Variants in EXPH5 observed in about 807,000 individuals in gnomAD.
EXPH5 encodes exophilin-5.
A neutral mutation model predicts 41.1 loss-of-function variants in EXPH5; 42 were observed. The ratio of observed to expected loss-of-function variants is 1.02; its 90% CI spans 0.80 to 1.32. The LOEUF (loss-of-function observed/expected upper bound fraction) is 1.32, where lower values mean the gene tolerates loss of function less well. Among genes scored for constraint, EXPH5 ranks in the 40% most tolerant of loss-of-function variants. EXPH5 has a pLI of 0.00. For missense variants in EXPH5, 2,298 were observed against 2,314.5 expected (o/e 0.99, Z 0.15); for synonymous variants, 798 against 833.5 (o/e 0.96, Z 0.73).
chr11:108,510,086 T>G lies in EXPH5; in HGVS notation c.5421A>C (p.Leu1807=), dbSNP rs1224770430. 2 of 1,612,370 alleles carry G rather than the reference T, an allele frequency of 1.2e-6. No homozygotes were observed. The highest frequency in any genetic ancestry group is 1.7e-6 in the Non-Finnish European group (2 of 1,179,556). The change falls in exon 6 of 6, where the codon CTA becomes CTC. Residue 1807 remains leucine, a synonymous_variant. Coordinates refer to ENST00000265843, the MANE Select transcript of EXPH5 (RefSeq NM_015065.3). The part of the protein sequence containing the change: ...LKSINVHGDL[L]RKSHPPKVRE... ...TGACTTTTGGAGGATGGCTTTTTCGTAGTAGATCGCCATGAACATTAATGC... is the reference window on the plus strand; with the variant it reads ...TGACTTTTGGAGGATGGCTTTTTCGGAGTAGATCGCCATGAACATTAATGC...
intron 1 of EXPH5, among the ~76,000 whole-genome samples, chr11:108,567,342 T>C (rs540200287): frequency 1.9e-3 from 287 of 152,370 alleles, no homozygotes; most frequent in African/African-American, 6.1e-3. Context: ...ATTGGTTTAA[T>C]GGAAGCATTA....
At position 108,513,307 on chromosome 11, in the gene EXPH5, C is replaced by G. The variant is rs1357272362; in HGVS notation, c.2200G>C (p.Gly734Arg). The G allele has an allele frequency of 9.9e-6, 16 of 1,613,014 alleles. No homozygotes were observed. Among genetic ancestry groups the G allele is most frequent in the Non-Finnish European group, 1.4e-5 (16 of 1,179,656 alleles). The change falls in exon 6 of 6, where the codon GGG becomes CGG. Residue 734 changes from glycine to arginine, a missense_variant. Gly to Arg is a moderately radical substitution (Grantham distance 125, BLOSUM62 -2). Coordinates refer to ENST00000265843, the MANE Select transcript of EXPH5 (RefSeq NM_015065.3). ...AAATCAGGTAAAGAGTTTGAGATCCCTGTCTGTGAAACAGGTTGGGGTATT... is the reference window on the plus strand; with the variant it reads ...AAATCAGGTAAAGAGTTTGAGATCCGTGTCTGTGAAACAGGTTGGGGTATT... ...GEIPQPVSQT[G>R]ISNSLPDFQN...
intron 2 of EXPH5, among the ~76,000 whole-genome samples, chr11:108,540,308 G>A (rs2093905851): frequency 6.6e-6 from 1 of 152,138 alleles, no homozygotes; most frequent in Non-Finnish European, 1.5e-5. Flanking sequence ...GTGTGACAGA[G>A]TGAGACTCCA....
At chr11:108,548,844 C>A (rs2136051321) in intron 1 of EXPH5, among the ~76,000 whole-genome samples, 1 of 152,268 alleles carries the variant, frequency 6.6e-6, no homozygotes, top group East Asian at 1.9e-4. Context: ...AAAAAACTAT[C>A]AAATACACTC....
chr11:108,572,059 A>G (rs533197392), intron 1 of EXPH5, among the ~76,000 whole-genome samples: 1 of 151,818 alleles, frequency 6.6e-6, no homozygotes, highest in East Asian at 1.9e-4. Context: ...CCAAAAAAAA[A>G]AAAGGCATTG....
intron 1 of EXPH5, among the ~76,000 whole-genome samples, chr11:108,570,574 C>T (rs913918984): frequency 2.6e-5 from 4 of 152,152 alleles, no homozygotes; most frequent in Admixed American, 6.5e-5. Context: ...GAGATAAGAT[C>T]TCACTCTGTT....
intron 1 of EXPH5, among the ~76,000 whole-genome samples, chr11:108,559,880 T>C (rs1054594780): frequency 6.6e-6 from 1 of 152,222 alleles, no homozygotes; most frequent in African/African-American, 2.4e-5. Context: ...TAAAATCCAC[T>C]ATTATTGCAT....
chr11:108,600,831 G>T, the EXPH5 span, among the ~76,000 whole-genome samples: 1 of 152,212 alleles, frequency 6.6e-6, no homozygotes, highest in East Asian at 1.9e-4. Flanking sequence ...GGTTATCTTT[G>T]TTGTTTCACA....
rs12146512 is a variant in EXPH5, at chr11:108,513,939, T to C, written c.1568A>G (p.His523Arg). Residue 523 changes from histidine to arginine, a missense_variant, in exon 6 of 6, where the codon CAT (histidine) becomes CGT (arginine). Coordinates refer to ENST00000265843, the MANE Select transcript of EXPH5 (RefSeq NM_015065.3). ...TTCCCAGTGTTCAGAAGAAACATTA[T>C]GGCCATGAATGGCTGATACACTATT... ...EANSVSAIHGHNVSSEHWESF... is the reference protein window; with the variant it reads ...EANSVSAIHGRNVSSEHWESF... 9.2e-3 allele frequency: 14,840 copies of C among 1,607,232 alleles called. 93 individuals are homozygous for C. The highest frequency in any genetic ancestry group is 0.011 in the Non-Finnish European group (13,342 of 1,177,280).
intron 2 of EXPH5, among the ~76,000 whole-genome samples, chr11:108,541,082 T>A (rs1458726993): frequency 6.6e-6 from 1 of 152,060 alleles, no homozygotes; most frequent in African/African-American, 2.4e-5. Context: ...TCTTTTATTT[T>A]TCTGTAGAGA....
chr11:108,516,918 T>G (rs950252625), intron 5 of EXPH5, among the ~76,000 whole-genome samples: 1 of 152,190 alleles, frequency 6.6e-6, no homozygotes, highest in Non-Finnish European at 1.5e-5. Flanking sequence ...ACAAAACAAC[T>G]GCATAATGAA....
In EXPH5 at chr11:108,532,357, T is replaced by TATATAC. The variant is rs2093846024; in HGVS notation, c.444-4174_444-4173insGTATAT. On this transcript the variant is annotated intron_variant, in intron 3 of 5. Coordinates refer to ENST00000265843, the MANE Select transcript of EXPH5 (RefSeq NM_015065.3). ...CACACTGGATATATATATATATATA[T>TATATAC]ATATATATATTTTTTTTTTTTTTTT... is the stretch of plus-strand genomic sequence containing the variant. Among the ~76,000 whole-genome samples the TATATAC allele has an allele frequency of 1.0e-4, 2 of 19,608 alleles. 1 individual carries two copies. The highest frequency in any genetic ancestry group is 1.6e-4 in the Non-Finnish European group (2 of 12,560). 12.9% of individuals were successfully genotyped at this position (19,608 alleles called of 152,430 possible).
At chr11:108,593,199 C>T (rs539933445) in intron 1 of EXPH5, among the ~76,000 whole-genome samples, 28 of 152,294 alleles carry the variant, frequency 1.8e-4, no homozygotes, top group South Asian at 2.1e-4. Flanking sequence ...CAGCCGAGCC[C>T]GTCTGGTATG....
chr11:108,568,916 C>T (rs1248431615), intron 1 of EXPH5, among the ~76,000 whole-genome samples: 1 of 152,188 alleles, frequency 6.6e-6, no homozygotes, highest in African/African-American at 2.4e-5. Flanking sequence ...GGCCATCCAC[C>T]TAATTTGACC....
At chr11:108,587,953 G>C (rs976113031) in intron 1 of EXPH5, among the ~76,000 whole-genome samples, 104 of 152,090 alleles carry the variant, frequency 6.8e-4, no homozygotes, top group Middle Eastern at 3.4e-3. Context: ...GGGTTTCACC[G>C]TGTTGGCCAG....
chr11:108,595,506 T>C (rs552166713), upstream of EXPH5, among the ~76,000 whole-genome samples: 2 of 152,292 alleles, frequency 1.3e-5, no homozygotes, highest in East Asian at 3.9e-4. Context: ...CTCAACCTCT[T>C]TAATGGCCAG....
At chr11:108,547,934 ACAC>A (rs2093945852) in intron 1 of EXPH5, among the ~76,000 whole-genome samples, 1 of 151,948 alleles carries the variant, frequency 6.6e-6, no homozygotes, top group Non-Finnish European at 1.5e-5. Context: ...ACATGGCGAA[ACAC>A]CATCTCTACT....
At chr11:108,582,320 C>T (rs1451429679) in intron 1 of EXPH5, among the ~76,000 whole-genome samples, 1 of 151,974 alleles carries the variant, frequency 6.6e-6, no homozygotes, top group Non-Finnish European at 1.5e-5. Context: ...AAAAAGTTAG[C>T]TGGGCGTGGT....
Position 108,510,737 on chromosome 11 carries a change from T to A in EXPH5, c.4770A>T (p.Ser1590=). 4 of 1,614,236 alleles carry A rather than the reference T, an allele frequency of 2.5e-6. No homozygotes were observed. In the East Asian group the frequency reaches 8.9e-5, roughly 36 times the overall value. The part of the protein sequence containing the change: ...DDLVKGENRS[S]VKHRLAAMSK... The stretch of plus-strand genomic sequence containing the variant: ...ACATGGCTGCCAATCTGTGTTTAAC[T>A]GAAGATCTATTTTCCCCCTTTACTA... Residue 1590 remains serine, a synonymous_variant, in exon 6 of 6, where the codon TCA becomes TCT. Coordinates refer to ENST00000265843, the MANE Select transcript of EXPH5 (RefSeq NM_015065.3).
Sources: gnomAD v4.1 joint callset for allele counts (sites outside exome capture counted in the v4.1 genomes callset) on GRCh38, gnomAD v4.1.1 for gene constraint, MANE v1.5 for transcripts, NCBI Gene and HGNC (gene_info 2026-07-23, HGNC 2026-07-21) for gene names.